The following SMARCD1 variants were observed in gnomAD, a reference collection of about 807,000 sequenced individuals.
The protein encoded by SMARCD1 is SWI/SNF related BAF chromatin remodeling complex subunit D1.
Under a neutral mutation model 70.8 loss-of-function variants are expected in SMARCD1, and 16 were observed. The ratio of observed to expected loss-of-function variants is 0.23; its 90% CI spans 0.15 to 0.34. The LOEUF (loss-of-function observed/expected upper bound fraction) is 0.34, where lower values mean the gene tolerates loss of function less well. Ranked by LOEUF, SMARCD1 falls within the 10% of genes least tolerant of loss-of-function variation. The pLI is 1.00. For synonymous variants in SMARCD1, 249 were observed against 246.0 expected, an observed-to-expected ratio of 1.01 and a Z score of -0.11; for missense variants, 409 against 655.5, an observed-to-expected ratio of 0.62 and a Z score of 4.11.
chr12:50,090,217 C>T (rs1209585599), intron 7 of SMARCD1, 24 bp from the exon 8 acceptor site: 1 of 1,594,534 alleles, frequency 6.3e-7, no homozygotes, highest in Admixed American at 1.8e-5. Context: ...CTAGCTTCAT[C>T]CCCTATACTT....
intron 9 of SMARCD1, among the ~76,000 whole-genome samples, chr12:50,091,502 C>T (rs959824099): frequency 1.3e-5 from 2 of 151,542 alleles, no homozygotes; most frequent in African/African-American, 2.4e-5. Context: ...CTTGAACTCC[C>T]GACCTCAGGT....
chr12:50,093,607 T>A (rs1214641018), intron 9 of SMARCD1, among the ~76,000 whole-genome samples: 1 of 152,104 alleles, frequency 6.6e-6, no homozygotes, highest in Non-Finnish European at 1.5e-5. Flanking sequence ...CCTCGCCTCC[T>A]GAGCAGCTGG....
intron 9 of SMARCD1, among the ~76,000 whole-genome samples, chr12:50,091,139 G>T (rs1471962247): frequency 6.6e-6 from 1 of 152,022 alleles, no homozygotes; most frequent in East Asian, 1.9e-4. Flanking sequence ...ACCGCGCCCA[G>T]CCTGTATTTG....
intron 9 of SMARCD1, among the ~76,000 whole-genome samples, chr12:50,091,317 G>A (rs1950841488): frequency 6.9e-6 from 1 of 145,020 alleles, no homozygotes; most frequent in African/African-American, 2.6e-5. Flanking sequence ...CTCTTGTTAT[G>A]CAGGCTGGAG....
chr12:50,086,979 G>A, intron 4 of SMARCD1, 101 bp downstream of exon 4: 2 of 1,237,002 alleles, frequency 1.6e-6, no homozygotes, highest in South Asian at 2.6e-5. Flanking sequence ...ACTCTCCTTG[G>A]CATTTAAATT....
chr12:50,095,365 C>T (rs1010782031), intron 10 of SMARCD1, among the ~76,000 whole-genome samples: 6 of 151,808 alleles, frequency 4.0e-5, no homozygotes, highest in South Asian at 2.1e-4. Context: ...CTTGCTCTGC[C>T]GCTCAGGCTG....
At chr12:50,087,229 TCATC>T in intron 4 of SMARCD1, 130 bp from the exon 5 acceptor site, 2 of 1,074,160 alleles carry the variant, frequency 1.9e-6, no homozygotes, top group Non-Finnish European at 2.7e-6. Flanking sequence ...AATGGAATCT[TCATC>T]CACCCACCCA....
chr12:50,089,837 C>T (rs1482985785), intron 6 of SMARCD1, 47 bp from the exon 7 acceptor site: 2 of 1,360,952 alleles, frequency 1.5e-6, no homozygotes, highest in East Asian at 2.3e-5. Context: ...CCTCCCACCC[C>T]AGCTCTTCCT....
chr12:50,099,716 A>C lies in SMARCD1; in HGVS notation c.*716A>C. On this transcript the variant is annotated 3_prime_UTR_variant, in exon 13 of 13. Coordinates refer to ENST00000394963, the MANE Select transcript of SMARCD1 (RefSeq NM_003076.5). ...TTGTGATTCCCTCAGATCTGCCCTAATCCCGGGCATTTGGGTGGGGGAATC... is the reference window on the plus strand; with the variant it reads ...TTGTGATTCCCTCAGATCTGCCCTACTCCCGGGCATTTGGGTGGGGGAATC... The C allele has an allele frequency of 7.1e-5, 12 of 170,046 alleles. No individual in the cohort carries two copies. Among genetic ancestry groups the C allele is most frequent in the East Asian group, 4.5e-4 (3 of 6,610 alleles). 10.5% of individuals were successfully genotyped at this position (170,046 alleles called of 1,614,324 possible).
intron 6 of SMARCD1, 180 bp downstream of exon 6, chr12:50,088,817 A>AC: frequency 2.5e-6 from 1 of 395,262 alleles, no homozygotes; most frequent in South Asian, 7.6e-5. Context: ...TTTAGTTAGG[A>AC]CCAAGGGCTC....
At chr12:50,090,988 C>G (rs1950838338) in intron 9 of SMARCD1, among the ~76,000 whole-genome samples, 1 of 151,814 alleles carries the variant, frequency 6.6e-6, no homozygotes, top group African/African-American at 2.4e-5. Flanking sequence ...CCACACCTGG[C>G]TAATTTTTTG....
rs1053084193 is a variant in SMARCD1, at chr12:50,100,368, C to T, written c.*1368C>T. 3 of 151,676 alleles carry T rather than the reference C, an allele frequency of 2.0e-5. No individual in the cohort carries two copies. Among genetic ancestry groups the T allele is most frequent in the African/African-American group, 7.3e-5 (3 of 41,030 alleles). The allele number at this position is 151,676 out of a possible 1,614,324, so 9.4% of individuals were successfully genotyped here. On this transcript the variant is annotated 3_prime_UTR_variant, in exon 13 of 13. Transcript: ENST00000394963. ...GCGAGCACACCCCCACCCCCAAATC[C>T]CTCCCTGTTCTACACTGGGGACAGC...
rs979723654 is a variant in SMARCD1, at chr12:50,099,179, A to T, written c.*179A>T. The T allele has an allele frequency of 9.5e-6, 6 of 634,364 alleles. No individual in the cohort carries two copies. In the East Asian group the frequency reaches 1.6e-4, roughly 17 times the overall value. The allele number at this position is 634,364 out of a possible 1,614,324, so 39.3% of individuals were successfully genotyped here. A position where few individuals can be genotyped will look rare whatever the true frequency, so the allele number is the denominator to read the frequency against. On this transcript the variant is annotated 3_prime_UTR_variant, in exon 13 of 13. Transcript: ENST00000394963. ...ACCTGTTATCCTCTTCTTTCACCCT[A>T]TCTCTTCCCACCCCCAGCTTCCCTT...
chr12:50,095,761 G>A (rs1450374109), intron 10 of SMARCD1, among the ~76,000 whole-genome samples: 1 of 152,218 alleles, frequency 6.6e-6, no homozygotes, highest in African/African-American at 2.4e-5. Flanking sequence ...GAGAGAGAGA[G>A]CCTGGTGTCT....
chr12:50,098,892 G>C, intron 12 of SMARCD1, 55 bp from the exon 13 acceptor site: 1 of 1,604,920 alleles, frequency 6.2e-7, no homozygotes, highest in Non-Finnish European at 8.5e-7. Flanking sequence ...AGTGGTGTTA[G>C]ATACCAACTT....
At chr12:50,086,595 C>A (rs372325834) in intron 2 of SMARCD1, 26 bp from the exon 3 acceptor site, 2 of 1,610,618 alleles carry the variant, frequency 1.2e-6, no homozygotes, top group Non-Finnish European at 1.7e-6. Context: ...CTGTCCCAAC[C>A]TGATAATAGT....
chr12:50,095,619 G>A (rs961657517), intron 10 of SMARCD1, among the ~76,000 whole-genome samples: 2 of 152,192 alleles, frequency 1.3e-5, no homozygotes, highest in African/African-American at 4.8e-5. Context: ...GAGCCACCGC[G>A]CCCGGCCCCA....
rs1950801292 is a variant in SMARCD1, at chr12:50,087,388, T to C, written c.557T>C (p.Ile186Thr). 1 of 1,614,110 alleles carries C rather than the reference T, an allele frequency of 6.2e-7. No individual in the cohort carries two copies. The highest frequency in any genetic ancestry group is 8.5e-7 in the Non-Finnish European group (1 of 1,179,984). Residue 186 changes from isoleucine to threonine, a missense_variant, in exon 5 of 13, where the codon ATT (isoleucine) becomes ACT (threonine). Transcript: ENST00000394963. ...CAAAAACGGAAGCTGCGAATTTTCA[T>C]TTCTAACACTTTCAATCCGGCTAAG... ...IKQKRKLRIF[I>T]SNTFNPAKSD...
Position 50,085,507 on chromosome 12 carries a change from A to G in SMARCD1, c.138A>G (p.Gln46=). 8.1e-7 allele frequency: 1 copy of G among 1,237,676 alleles called. No individual in the cohort carries two copies. The highest frequency in any genetic ancestry group is 3.1e-4 in the Middle Eastern group (1 of 3,224). The allele number at this position is 1,237,676 out of a possible 1,614,324, so 76.7% of individuals were successfully genotyped here. A position where few individuals can be genotyped will look rare whatever the true frequency, so the allele number is the denominator to read the frequency against. ...PPVRMGPAPG[Q]GLYRSPMPGA... is the part of the protein sequence containing the mutation. ...TGCGAATGGGCCCGGCTCCGGGTCA[A>G]GGGCTGTACCGCTCCCCGATGCCCG... Residue 46 remains glutamine (Q), a synonymous_variant, in exon 1 of 13, where the codon CAA becomes CAG. Transcript: ENST00000394963.
Sources: gnomAD v4.1 joint callset for allele counts (sites outside exome capture counted in the v4.1 genomes callset) on GRCh38, gnomAD v4.1.1 for gene constraint, MANE v1.5 for transcripts, NCBI Gene and HGNC (gene_info 2026-07-23, HGNC 2026-07-21) for gene names.